The following CASR variants were observed in gnomAD, a reference collection of about 807,000 sequenced individuals.
The protein encoded by CASR is extracellular calcium-sensing receptor.
In CASR, 23 loss-of-function variants were observed where a neutral mutation model predicts 69.1. That is an observed-to-expected ratio of 0.33 (90% CI 0.24 to 0.47). The LOEUF (loss-of-function observed/expected upper bound fraction) is 0.47, where lower values mean the gene tolerates loss of function less well. CASR is among the 20% of genes least tolerant of loss of function. The probability of loss-of-function intolerance (pLI) is 1.00; values close to 1 mark genes in which losing one functional copy is unlikely to be tolerated. For missense variants in CASR, 924 were observed against 1,356.1 expected, an observed-to-expected ratio of 0.68 and a Z score of 5.00; for synonymous variants, 541 against 544.7, an observed-to-expected ratio of 0.99 and a Z score of 0.10.
rs770237878 is a variant in CASR, at chr3:122,262,044, G to T, written c.1009G>T (p.Val337Phe). The T allele has an allele frequency of 6.2e-7, 1 of 1,614,178 alleles. No individual in the cohort carries two copies. Among genetic ancestry groups the T allele is most frequent in the Non-Finnish European group, 8.5e-7 (1 of 1,180,024 alleles). The change falls in exon 4 of 7, where the codon GTC (valine) becomes TTC (phenylalanine). Residue 337 changes from valine to phenylalanine, a missense_variant. Coordinates refer to ENST00000639785, the MANE Select transcript of CASR (RefSeq NM_000388.4). ...IPGFREFLKK[V>F]HPRKSVHNGF... ...AGGCTTCCGGGAATTCCTGAAGAAG[G>T]TCCATCCCAGGAAGTCTGTCCACAA...
chr3:122,261,006 C>T (rs1262387369), intron 3 of CASR, among the ~76,000 whole-genome samples: 1 of 152,134 alleles, frequency 6.6e-6, no homozygotes, highest in East Asian at 1.9e-4. Context: ...TCTGAAGAGC[C>T]TTAAGTTTAT....
chr3:122,243,654 C>T (rs578055768), intron 1 of CASR, among the ~76,000 whole-genome samples: 1 of 152,234 alleles, frequency 6.6e-6, no homozygotes, highest in South Asian at 2.1e-4. Context: ...ACCATACAAT[C>T]CAGTAATCCC....
chr3:122,279,984 GT>G (rs915282045), intron 5 of CASR, among the ~76,000 whole-genome samples: 1 of 152,042 alleles, frequency 6.6e-6, no homozygotes, highest in Admixed American at 6.5e-5. Flanking sequence ...CCCCAGTGTT[GT>G]TCTCCACCCT....
chr3:122,228,946 C>T (rs150254387), intron 1 of CASR, among the ~76,000 whole-genome samples: 2 of 152,290 alleles, frequency 1.3e-5, no homozygotes, highest in African/African-American at 2.4e-5. Flanking sequence ...ATGCATCCCT[C>T]AGATATTCAC....
rs1234795789 is a variant in CASR, at chr3:122,291,291, T to C, written c.*6100T>C. 1 of 151,682 alleles carries C rather than the reference T, an allele frequency of 6.6e-6. No individual in the cohort carries two copies. Among genetic ancestry groups the C allele is most frequent in the Non-Finnish European group, 1.5e-5 (1 of 67,962 alleles). The allele number at this position is 151,682 out of a possible 1,614,324, so 9.4% of individuals were successfully genotyped here. On this transcript the variant is annotated 3_prime_UTR_variant, in exon 7 of 7. Transcript: ENST00000639785. ...AATGGTATTTCTAGTTCTAGATCCC[T>C]GAGGAATCGCCACACTGACTTCCAC...
chr3:122,223,416 A>C (rs775951857), intron 1 of CASR, among the ~76,000 whole-genome samples: 1 of 152,198 alleles, frequency 6.6e-6, no homozygotes, highest in Non-Finnish European at 1.5e-5. Flanking sequence ...GAATATTATC[A>C]AAACCTCTAT....
At chr3:122,186,046 A>G (rs1254714696) in intron 1 of CASR, among the ~76,000 whole-genome samples, 1 of 146,896 alleles carries the variant, frequency 6.8e-6, no homozygotes, top group African/African-American at 2.6e-5. Context: ...ATAGTAAGTG[A>G]AAAAAAAAAA....
intron 1 of CASR, among the ~76,000 whole-genome samples, chr3:122,212,256 C>T (rs1020952204): frequency 6.6e-6 from 1 of 152,170 alleles, no homozygotes; most frequent in African/African-American, 2.4e-5. Context: ...ATGTCCTTTG[C>T]AGGGACATGG....
chr3:122,243,227 G>A (rs957559394), intron 1 of CASR, among the ~76,000 whole-genome samples: 5 of 152,076 alleles, frequency 3.3e-5, no homozygotes, highest in Admixed American at 6.6e-5. Context: ...AATCAACAAA[G>A]TGAAGAGACA....
rs2074968799 is a variant in CASR at position 122,286,277 on chromosome 3, C to T, written c.*1086C>T. ...AGGCTCTGGAGCCAGAGAGACAGAC[C>T]GGGGTTCAAGCCATGGCTTCGTCAT... On this transcript the variant is annotated 3_prime_UTR_variant, in exon 7 of 7. Coordinates refer to ENST00000639785, the MANE Select transcript of CASR (RefSeq NM_000388.4). 6.6e-6 allele frequency: 1 copy of T among 152,084 alleles called. No homozygotes were observed. Among genetic ancestry groups the T allele is most frequent in the South Asian group, 2.1e-4 (1 of 4,826 alleles). 9.4% of individuals were successfully genotyped at this position (152,084 alleles called of 1,614,324 possible).
rs1257108488 is a variant in CASR, at chr3:122,284,927, T to C, written c.2973T>C (p.Asn991=). ...EPQKNAMAHR[N]STHQNSLEAQ... Reference sequence around the variant, plus strand: ...AGAAGAACGCCATGGCCCACAGGAATTCTACGCACCAGAACTCCCTGGAGG... The same window carrying C: ...AGAAGAACGCCATGGCCCACAGGAACTCTACGCACCAGAACTCCCTGGAGG... The change falls in exon 7 of 7, where the codon AAT becomes AAC. Residue 991 remains asparagine, a synonymous_variant. Transcript: ENST00000639785. 5 of 1,614,154 alleles carry C rather than the reference T, an allele frequency of 3.1e-6. No individual in the cohort carries two copies. Among genetic ancestry groups the C allele is most frequent in the Non-Finnish European group, 4.2e-6 (5 of 1,180,000 alleles).
chr3:122,239,394 G>A (rs1347236882), intron 1 of CASR, among the ~76,000 whole-genome samples: 1 of 152,232 alleles, frequency 6.6e-6, no homozygotes, highest in African/African-American at 2.4e-5. Context: ...CAGCTTAGAT[G>A]CAGTAGAATA....
chr3:122,191,222 T>C (rs2073836214), intron 1 of CASR, among the ~76,000 whole-genome samples: 1 of 152,236 alleles, frequency 6.6e-6, no homozygotes, highest in African/African-American at 2.4e-5. Flanking sequence ...AAGTTCTTTC[T>C]AAGTATAAAA....
At chr3:122,276,536 CAAAGAATTGAT>C (rs745354217) in intron 5 of CASR, among the ~76,000 whole-genome samples, 1 of 152,092 alleles carries the variant, frequency 6.6e-6, no homozygotes, top group Non-Finnish European at 1.5e-5. Context: ...GCTTACATGA[CAAAGAATTGAT>C]CCCGCCTCAA....
At chr3:122,209,695 C>G (rs568048075) in intron 1 of CASR, among the ~76,000 whole-genome samples, 3 of 152,228 alleles carry the variant, frequency 2.0e-5, no homozygotes, top group African/African-American at 7.2e-5. Flanking sequence ...TGGGTGGGGA[C>G]ACAGAGCCAA....
chr3:122,204,790 A>G (rs1163187619), intron 1 of CASR, among the ~76,000 whole-genome samples: 1 of 152,036 alleles, frequency 6.6e-6, no homozygotes, highest in Non-Finnish European at 1.5e-5. Context: ...AGATAATATC[A>G]TGTTATAGTA....
chr3:122,254,941 T>TC (rs1176397702), intron 2 of CASR, among the ~76,000 whole-genome samples: 7 of 151,478 alleles, frequency 4.6e-5, no homozygotes, highest in African/African-American at 7.3e-5. Context: ...AGGAAGGTTA[T>TC]CCCCCCTTGC....
intron 1 of CASR, among the ~76,000 whole-genome samples, chr3:122,218,541 CA>C (rs59428263): frequency 0.21 from 22,320 of 106,014 alleles, 1,545 homozygotes; most frequent in African/African-American, 0.32. Flanking sequence ...GACTCTGTCT[CA>C]AAAAAAAAAA....
Position 122,261,482 on chromosome 3 carries a change from T to TTCAC in CASR, c.493-30_493-27dup, listed in dbSNP as rs766222850. 2.3e-5 allele frequency: 36 copies of TTCAC among 1,589,830 alleles called. No homozygotes were observed. The African/African-American group carries it at 2.3e-4, about 10-fold the overall frequency. On this transcript the variant is annotated intron_variant, in intron 3 of 6. Transcript: ENST00000639785. Reference sequence around the variant, plus strand: ...AGCCTGGAGGCTCACTCAGCACCTCTTCACTCACTCACTCACTCATTCACC... The same window carrying TTCAC: ...AGCCTGGAGGCTCACTCAGCACCTCTTCACTCACTCACTCACTCACTCATTCACC...
Sources: allele counts gnomAD v4.1 joint callset (sites outside exome capture counted in the v4.1 genomes callset), GRCh38; gene constraint gnomAD v4.1.1; transcripts MANE v1.5; gene names NCBI Gene and HGNC (gene_info 2026-07-23, HGNC 2026-07-21).